SLC18A1: variants seen among roughly 807,000 people sequenced by gnomAD.
SLC18A1 encodes the protein solute carrier family 18 member A1.
A neutral mutation model predicts 53.7 loss-of-function variants in SLC18A1; 69 were observed. That is an observed-to-expected ratio of 1.28 (90% CI 1.06 to 1.57). SLC18A1 has a LOEUF of 1.57. Ranked by LOEUF, SLC18A1 falls within the 40% of genes most tolerant of loss-of-function variation. SLC18A1 has a pLI of 0.00. For missense variants in SLC18A1, 932 were observed against 668.1 expected (o/e 1.40, Z -4.35); for synonymous variants, 320 against 248.1 (o/e 1.29, Z -2.72).
chr8:20,148,480 T>G (rs972176746), intron 12 of SLC18A1: 14 of 1,288,896 alleles, frequency 1.1e-5, no homozygotes, highest in Admixed American at 2.3e-5. Flanking sequence ...ATTATGGACA[T>G]CACTGAAAGG....
At chr8:20,171,282 C>A (rs2072109278) in intron 7 of SLC18A1, 123 bp downstream of exon 7, 3 of 1,302,208 alleles carry the variant, frequency 2.3e-6, no homozygotes, top group Non-Finnish European at 1.1e-6. Context: ...TACAACGGGG[C>A]AGTCCTTGAT....
rs796549441 is a variant in SLC18A1, at chr8:20,159,674, G to T, written c.1015+5195C>A. Among the ~76,000 whole-genome samples the T allele has an allele frequency of 2.9e-5, 3 of 102,798 alleles. No homozygotes were observed. In the Admixed American group the frequency reaches 3.3e-4, roughly 11 times the overall value. The allele number at this position is 102,798 out of a possible 152,430, so 67.4% of individuals were successfully genotyped here. ...AAAAAAAAAAAAAAAGAAAGAAAAA[G>T]AAAAGAAAAGAAATCTCTGAAATAT... is the stretch of plus-strand genomic sequence containing the variant. On this transcript the variant is annotated intron_variant, in intron 10 of 15. Coordinates refer to ENST00000276373, the MANE Select transcript of SLC18A1 (RefSeq NM_003053.4).
In SLC18A1 at chr8:20,179,297, A is replaced by G. The variant is rs966995424; in HGVS notation, c.312T>C (p.Asn104=). The change falls in exon 3 of 16, where the codon AAT becomes AAC. Residue 104 remains asparagine, a synonymous_variant. Transcript: ENST00000276373. The part of the protein sequence containing the change: ...ESVPSGIAWM[N]DTASTIPPPA... The stretch of plus-strand genomic sequence containing the variant: ...GAGGTGGGATGGTGCTGGCAGTGTC[A>G]TTCATCCATGCTATTCCACTAGGTA... 21 of 1,614,198 alleles carry G rather than the reference A, an allele frequency of 1.3e-5. No homozygotes were observed. The highest frequency in any genetic ancestry group is 1.7e-5 in the Non-Finnish European group (20 of 1,180,036).
intron 10 of SLC18A1, among the ~76,000 whole-genome samples, chr8:20,152,197 A>G (rs932031781): frequency 6.6e-6 from 1 of 152,232 alleles, no homozygotes; most frequent in Admixed American, 6.5e-5. Flanking sequence ...TAAGAATAGA[A>G]AGGATATCTG....
intron 10 of SLC18A1, among the ~76,000 whole-genome samples, chr8:20,151,695 G>A (rs1162617451): frequency 1.3e-5 from 2 of 152,168 alleles, no homozygotes; most frequent in African/African-American, 4.8e-5. Context: ...CATGGGCTTT[G>A]GAGCCACACA....
intron 5 of SLC18A1, 105 bp from the exon 6 acceptor site, chr8:20,173,233 G>C: frequency 4.9e-6 from 4 of 819,838 alleles, no homozygotes; most frequent in East Asian, 2.7e-5. Context: ...ATCTTAGCTA[G>C]AGTTTCAGTT....
rs60330468 is a variant in SLC18A1 at position 20,149,589 on chromosome 8, C to CCTCTCTCTCTCTCTCT, written c.1146+71_1146+86dup. ...CTGTGTCTTTCTCTCTCTCTCTCTC[C>CCTCTCTCTCTCTCTCT]CTCTCTCTCTCTCTCTCTCTCTCTC... On this transcript the variant is annotated intron_variant, in intron 12 of 15. Transcript: ENST00000276373. The CCTCTCTCTCTCTCTCT allele has an allele frequency of 2.0e-5, 16 of 791,944 alleles. No homozygotes were observed. The African/African-American group carries it at 2.7e-4, about 13-fold the overall frequency. The allele number at this position is 791,944 out of a possible 1,614,324, so 49.1% of individuals were successfully genotyped here. A position where few individuals can be genotyped will look rare whatever the true frequency, so the allele number is the denominator to read the frequency against.
At chr8:20,149,309 C>T (rs776589811) in intron 12 of SLC18A1, among the ~76,000 whole-genome samples, 15 of 152,016 alleles carry the variant, frequency 9.9e-5, no homozygotes, top group Non-Finnish European at 1.3e-4. Context: ...AGTCATAAAA[C>T]GCACCATTTT....
In SLC18A1 at chr8:20,147,689, C is replaced by A; in HGVS notation, c.1244G>T (p.Gly415Val). Reference protein sequence around the residue: ...MVDSSMMPIMGHLVDLRHTSV... With the variant: ...MVDSSMMPIMVHLVDLRHTSV... ...GGTGTGGCGTAGATCCACCAGGTGC[C>A]CCATGATGGGCATCATAGAAGAATC... Residue 415 changes from glycine to valine, a missense_variant, in exon 14 of 16, where the codon GGG becomes GTG. Coordinates refer to ENST00000276373, the MANE Select transcript of SLC18A1 (RefSeq NM_003053.4). 1 of 1,613,786 alleles carries A rather than the reference C, an allele frequency of 6.2e-7. No individual in the cohort carries two copies. Among genetic ancestry groups the A allele is most frequent in the South Asian group, 1.1e-5 (1 of 90,994 alleles).
chr8:20,182,803 G>A (rs1041432067), intron 1 of SLC18A1, among the ~76,000 whole-genome samples: 4 of 152,124 alleles, frequency 2.6e-5, no homozygotes, highest in Non-Finnish European at 2.9e-5. Flanking sequence ...TATAAAGGAG[G>A]TATTTCTGAA....
rs1465624952 is a variant in SLC18A1 at position 20,180,859 on chromosome 8, T to C, written c.106A>G (p.Met36Val). The C allele has an allele frequency of 1.9e-5, 31 of 1,613,854 alleles. No homozygotes were observed. Among genetic ancestry groups the C allele is most frequent in the Non-Finnish European group, 2.5e-5 (30 of 1,179,910 alleles). Residue 36 changes from methionine (M) to valine (V), a missense_variant, in exon 2 of 16, where the codon ATG (methionine) becomes GTG (valine). Transcript: ENST00000276373. ...VVFVALLLDN[M>V]LFTVVVPIVP... ...AACGTACCCACCACAGTAAACAGCA[T>C]GTTGTCCAGGAGCAAAGCGACGAAT... is the stretch of plus-strand genomic sequence containing the variant.
At chr8:20,167,186 A>C (rs990008762) in intron 8 of SLC18A1, among the ~76,000 whole-genome samples, 1 of 152,104 alleles carries the variant, frequency 6.6e-6, no homozygotes, top group Admixed American at 6.5e-5. Flanking sequence ...TGTATCATGC[A>C]TTACATAATC....
At chr8:20,180,212 A>G (rs1025334901) in intron 2 of SLC18A1, among the ~76,000 whole-genome samples, 3 of 151,990 alleles carry the variant, frequency 2.0e-5, no homozygotes, top group Non-Finnish European at 4.4e-5. Flanking sequence ...GCATAACTAT[A>G]ACTACAGAAC....
At chr8:20,180,752 T>G in intron 2 of SLC18A1, 89 bp downstream of exon 2, 2 of 1,512,682 alleles carry the variant, frequency 1.3e-6, no homozygotes, top group South Asian at 2.4e-5. Flanking sequence ...AATTCTCAGA[T>G]GGATTCACTG....
At chr8:20,157,578 C>T (rs1271183575) in intron 10 of SLC18A1, among the ~76,000 whole-genome samples, 1 of 152,216 alleles carries the variant, frequency 6.6e-6, no homozygotes, top group Non-Finnish European at 1.5e-5. Context: ...TACTGCCTTT[C>T]TGGAGACACT....
Position 20,171,702 on chromosome 8 carries a change from G to A in SLC18A1, c.725-208C>T, listed in dbSNP as rs537738764. ...AGGAAGTGTGTGTGTGTGTGTGTGT[G>A]TGCGCGCGCGTGTGTGTATGTATGT... On this transcript the variant is annotated intron_variant, in intron 6 of 15. Transcript: ENST00000276373. 5.3e-4 allele frequency among the ~76,000 whole-genome samples: 77 copies of A among 145,710 alleles called. No individual in the cohort carries two copies. In the East Asian group the frequency reaches 0.013, roughly 24 times the overall value.
intron 4 of SLC18A1, among the ~76,000 whole-genome samples, chr8:20,176,792 A>C (rs561050210): frequency 8.5e-4 from 129 of 152,370 alleles, no homozygotes; most frequent in African/African-American, 3.0e-3. Context: ...AGTTTGGTAT[A>C]AGTTAAACAA....
intron 8 of SLC18A1, among the ~76,000 whole-genome samples, chr8:20,170,239 T>C (rs577796205): frequency 6.6e-6 from 1 of 152,310 alleles, no homozygotes; most frequent in Admixed American, 6.5e-5. Flanking sequence ...ACTCTAAAAG[T>C]ATTGATTATG....
intron 5 of SLC18A1, 53 bp downstream of exon 5, chr8:20,174,308 G>A: frequency 8.8e-7 from 1 of 1,137,800 alleles, no homozygotes; most frequent in South Asian, 1.3e-5. Flanking sequence ...AGTAAGAGAT[G>A]TGTGTGTGTG....
Sources: gnomAD v4.1 joint callset for allele counts (sites outside exome capture counted in the v4.1 genomes callset) on GRCh38, gnomAD v4.1.1 for gene constraint, MANE v1.5 for transcripts, NCBI Gene and HGNC (gene_info 2026-07-23, HGNC 2026-07-21) for gene names.